The following UMAD1 variants were observed in gnomAD, a reference collection of about 807,000 sequenced individuals.
UMAD1 encodes the protein UBAP1-MVB12-associated (UMA) domain containing 1.
UMAD1 carries 8 observed loss-of-function variants against 6.1 expected under a neutral mutation model. That is an observed-to-expected ratio of 1.30 (90% confidence interval 0.76 to 2.35). UMAD1 has a LOEUF of 2.35. UMAD1 is among the 30% of genes most tolerant of loss of function. The pLI is 0.00. For missense variants in UMAD1, 130 were observed against 78.4 expected, an observed-to-expected ratio of 1.66 and a Z score of -2.49; for synonymous variants, 56 against 31.4, an observed-to-expected ratio of 1.78 and a Z score of -2.61.
At chr7:7,743,016 C>CTG (rs1554322391) in intron 2 of UMAD1, among the ~76,000 whole-genome samples, 4 of 151,738 alleles carry the variant, frequency 2.6e-5, no homozygotes, top group Non-Finnish European at 4.4e-5. Context: ...TGTTTGGTCT[C>CTG]TGTGTATATA....
rs192740041 is a variant in UMAD1 at position 7,689,770 on chromosome 7, G to A, written c.82+16317G>A. 8.1e-4 allele frequency among the ~76,000 whole-genome samples: 124 copies of A among 152,240 alleles called. 1 individual carries two copies. Among genetic ancestry groups the A allele is most frequent in the Non-Finnish European group, 1.3e-3 (87 of 68,020 alleles). On this transcript the variant is annotated intron_variant, in intron 2 of 3. Coordinates refer to ENST00000682710, the MANE Select transcript of UMAD1 (RefSeq NM_001302348.2). ...TAAATGAAATTAATAGATTGTCAGA[G>A]TCATAAGTAAACATTTTGAATGGTA... is the stretch of plus-strand genomic sequence containing the variant.
rs139440390 is a variant in UMAD1, at chr7:7,717,533, T to C, written c.82+44080T>C. ...GATTTATTGTTTTGAAGTAAAATGT[T>C]TAAGGTATGCATGTATTTTTTATGA... On this transcript the variant is annotated intron_variant, in intron 2 of 3. Transcript: ENST00000682710. Among the ~76,000 whole-genome samples the C allele has an allele frequency of 1.5e-3, 232 of 152,318 alleles. 1 individual carries two copies. Among genetic ancestry groups the C allele is most frequent in the African/African-American group, 5.2e-3 (217 of 41,574 alleles).
intron 3 of UMAD1, among the ~76,000 whole-genome samples, chr7:7,875,547 G>A (rs1784401540): frequency 6.6e-6 from 1 of 152,184 alleles, no homozygotes; most frequent in South Asian, 2.1e-4. Context: ...TACCATCAGA[G>A]AATACTATAA....
At chr7:7,742,893 G>A (rs1256021047) in intron 2 of UMAD1, among the ~76,000 whole-genome samples, 1 of 152,084 alleles carries the variant, frequency 6.6e-6, no homozygotes, top group Non-Finnish European at 1.5e-5. Flanking sequence ...AGTGCTGTAT[G>A]TTCAAAATAT....
At chr7:7,795,748 G>A (rs189653318) in intron 2 of UMAD1, among the ~76,000 whole-genome samples, 1 of 152,272 alleles carries the variant, frequency 6.6e-6, no homozygotes, top group East Asian at 1.9e-4. Flanking sequence ...TCATGACGTT[G>A]GTGGGAGTAT....
intron 3 of UMAD1, among the ~76,000 whole-genome samples, chr7:7,839,413 C>G (rs954346253): frequency 1.3e-5 from 2 of 152,158 alleles, no homozygotes; most frequent in Non-Finnish European, 2.9e-5. Flanking sequence ...TAGGGTCCCC[C>G]TATGTTGCCC....
chr7:7,707,672 C>T (rs1284474529), intron 2 of UMAD1, among the ~76,000 whole-genome samples: 1 of 152,090 alleles, frequency 6.6e-6, no homozygotes, highest in Non-Finnish European at 1.5e-5. Flanking sequence ...TTTCTGTGAT[C>T]CAAAATCTGG....
intron 2 of UMAD1, chr7:7,740,724 T>C (rs1270903902): frequency 6.6e-6 from 1 of 152,258 alleles, no homozygotes. Flanking sequence ...CACTTTAGTT[T>C]CTTTGGACCT....
rs992221078 is a variant in UMAD1, at chr7:7,851,053, C to T, written c.157-26228C>T. The stretch of plus-strand genomic sequence containing the variant: ...TATATATTTTTACTTGAACATGTAG[C>T]TTTGATATGTTGGAAGTAAAAGTGA... On this transcript the variant is annotated intron_variant, in intron 3 of 3. Coordinates refer to ENST00000682710, the MANE Select transcript of UMAD1 (RefSeq NM_001302348.2). Among the ~76,000 whole-genome samples the T allele has an allele frequency of 3.9e-5, 6 of 152,182 alleles. No homozygotes were observed. The East Asian group carries it at 7.7e-4, about 20-fold the overall frequency.
intron 3 of UMAD1, among the ~76,000 whole-genome samples, chr7:7,843,295 A>T (rs1347564163): frequency 6.6e-6 from 1 of 152,138 alleles, no homozygotes; most frequent in African/African-American, 2.4e-5. Context: ...GCGAAGTTGA[A>T]CCTCTTTCTT....
At chr7:7,782,909 T>G (rs1440590062) in intron 2 of UMAD1, among the ~76,000 whole-genome samples, 1 of 152,142 alleles carries the variant, frequency 6.6e-6, no homozygotes, top group Non-Finnish European at 1.5e-5. Context: ...TTTTTTGTAT[T>G]TTTTATACAG....
At chr7:7,649,138 A>T (rs1785162994) in intron 1 of UMAD1, among the ~76,000 whole-genome samples, 1 of 147,554 alleles carries the variant, frequency 6.8e-6, no homozygotes, top group African/African-American at 2.5e-5. Flanking sequence ...AGCCCGTGCG[A>T]CAAGAGCGAG....
chr7:7,652,891 G>A (rs141262102), intron 1 of UMAD1, among the ~76,000 whole-genome samples: 3 of 152,338 alleles, frequency 2.0e-5, no homozygotes, highest in South Asian at 2.1e-4. Context: ...GATGTTGAAT[G>A]TGATGGCTTC....
chr7:7,827,437 A>G (rs938380040), intron 3 of UMAD1, among the ~76,000 whole-genome samples: 5 of 152,064 alleles, frequency 3.3e-5, no homozygotes, highest in Admixed American at 1.3e-4. Flanking sequence ...TTATCGTACT[A>G]TATCTCTGAT....
chr7:7,688,143 G>C (rs375089588), intron 2 of UMAD1, among the ~76,000 whole-genome samples: 5 of 152,288 alleles, frequency 3.3e-5, no homozygotes, highest in East Asian at 1.9e-4. Flanking sequence ...TGTATTTTTG[G>C]GGGGAGAACA....
intron 2 of UMAD1, among the ~76,000 whole-genome samples, chr7:7,767,307 A>G (rs1007097879): frequency 3.3e-5 from 5 of 151,926 alleles, no homozygotes; most frequent in South Asian, 2.1e-4. Context: ...TTGTATTTTT[A>G]GTAGAGACGG....
chr7:7,661,462 T>A (rs557586307), intron 1 of UMAD1, among the ~76,000 whole-genome samples: 1 of 152,310 alleles, frequency 6.6e-6, no homozygotes, highest in East Asian at 1.9e-4. Flanking sequence ...ACCTTTGGCC[T>A]TTGATGCTGG....
chr7:7,649,778 C>T (rs1785183848), intron 1 of UMAD1, among the ~76,000 whole-genome samples: 1 of 152,134 alleles, frequency 6.6e-6, no homozygotes, highest in Non-Finnish European at 1.5e-5. Flanking sequence ...GAAATCCTAA[C>T]CCCTAAGGTG....
intron 2 of UMAD1, among the ~76,000 whole-genome samples, chr7:7,798,981 G>A (rs1159953748): frequency 1.3e-5 from 2 of 152,088 alleles, no homozygotes; most frequent in East Asian, 3.8e-4. Context: ...TGTCTGAGTT[G>A]CAAATGAAAT....
Sources: allele counts gnomAD v4.1 joint callset (sites outside exome capture counted in the v4.1 genomes callset), GRCh38; gene constraint gnomAD v4.1.1; transcripts MANE v1.5; gene names NCBI Gene and HGNC (gene_info 2026-07-23, HGNC 2026-07-21).